The following GNS variants were observed in gnomAD, a reference collection of about 807,000 sequenced individuals.
GNS encodes the protein glucosamine (N-acetyl)-6-sulfatase.
GNS carries 40 observed loss-of-function variants against 69.7 expected under a neutral mutation model. The ratio of observed to expected loss-of-function variants is 0.57; its 90% CI spans 0.45 to 0.75. The LOEUF (loss-of-function observed/expected upper bound fraction) is 0.75, where lower values mean the gene tolerates loss of function less well. Among genes scored for constraint, GNS ranks in the 30% least tolerant of loss-of-function variants. The pLI, the probability that GNS is intolerant of heterozygous loss-of-function variation, is 0.00. For missense variants in GNS, 565 were observed against 685.5 expected (o/e 0.82, Z 1.96); for synonymous variants, 243 against 251.6 (o/e 0.97, Z 0.32).
chr12:64,738,319 T>G (rs1461061060), intron 8 of GNS, among the ~76,000 whole-genome samples: 1 of 152,226 alleles, frequency 6.6e-6, no homozygotes, highest in African/African-American at 2.4e-5. Context: ...GGTCTGCATC[T>G]TGATACATAA....
rs763582270 is a variant in GNS at position 64,740,593 on chromosome 12, C to G, written c.875+13G>C. ...TAAAACCACTCAGATTGTTATGTAGCAGCAGCTCTTACCTTTTCCTAAATG... is the reference window on the plus strand; with the variant it reads ...TAAAACCACTCAGATTGTTATGTAGGAGCAGCTCTTACCTTTTCCTAAATG... On this transcript the variant is annotated intron_variant, in intron 7 of 13. Transcript: ENST00000258145. The G allele has an allele frequency of 7.4e-7, 1 of 1,349,440 alleles. No homozygotes were observed. Among genetic ancestry groups the G allele is most frequent in the South Asian group, 1.2e-5 (1 of 85,882 alleles). The allele number at this position is 1,349,440 out of a possible 1,614,324, so 83.6% of individuals were successfully genotyped here. A position where few individuals can be genotyped will look rare whatever the true frequency, so the allele number is the denominator to read the frequency against.
intron 10 of GNS, among the ~76,000 whole-genome samples, chr12:64,728,144 C>T (rs1025975951): frequency 4.6e-5 from 7 of 152,242 alleles, no homozygotes; most frequent in African/African-American, 1.7e-4. Context: ...AGGATGGTCT[C>T]GAACCCCTGA....
chr12:64,746,287 A>G (rs1646074369), intron 3 of GNS: 1 of 160,736 alleles, frequency 6.2e-6, no homozygotes, highest in South Asian at 1.7e-4. Context: ...GAATAGTCCA[A>G]CTGACCCTAA....
intron 9 of GNS, among the ~76,000 whole-genome samples, chr12:64,735,569 A>G (rs2136243845): frequency 6.6e-6 from 1 of 152,334 alleles, no homozygotes; most frequent in South Asian, 2.1e-4. Flanking sequence ...TAACTTAAAG[A>G]AAAAAAGGAA....
intron 11 of GNS, among the ~76,000 whole-genome samples, chr12:64,722,617 G>A (rs1395551785): frequency 6.6e-6 from 1 of 152,156 alleles, no homozygotes; most frequent in Non-Finnish European, 1.5e-5. Context: ...CCTGGCTGCC[G>A]CCAATGCGAG....
chr12:64,749,248 C>CTTTT (rs759239939), intron 2 of GNS, among the ~76,000 whole-genome samples: 8 of 65,052 alleles, frequency 1.2e-4, no homozygotes, highest in Non-Finnish European at 1.6e-4. Context: ...CTTGATTTGG[C>CTTTT]TTTTTTTTTT....
chr12:64,757,669 G>A (rs1161277744), intron 1 of GNS, among the ~76,000 whole-genome samples: 2 of 152,002 alleles, frequency 1.3e-5, no homozygotes, highest in Non-Finnish European at 2.9e-5. Context: ...TTTACAACTC[G>A]GGAAGAAAGA....
intron 9 of GNS, among the ~76,000 whole-genome samples, chr12:64,733,113 AAAAC>A (rs903616284): frequency 1.2e-4 from 18 of 151,702 alleles, no homozygotes; most frequent in South Asian, 4.2e-4. Flanking sequence ...CGTCTCTACA[AAAAC>A]AAACAAACAA....
At chr12:64,740,543 T>C (rs763617909) in intron 7 of GNS, 63 bp downstream of exon 7, 5 of 885,148 alleles carry the variant, frequency 5.6e-6, no homozygotes, top group African/African-American at 4.9e-5. Context: ...TGGTCTCCTC[T>C]TCATGAGCTG....
chr12:64,754,530 G>A (rs987616490), intron 1 of GNS, among the ~76,000 whole-genome samples: 3 of 152,120 alleles, frequency 2.0e-5, no homozygotes, highest in Non-Finnish European at 4.4e-5. Context: ...GGGAGGAAAA[G>A]GGAGAGTGAG....
rs1282026539 is a variant in GNS, at chr12:64,726,896, A to C, written c.1200+2060T>G. On this transcript the variant is annotated intron_variant, in intron 10 of 13. Coordinates refer to ENST00000258145, the MANE Select transcript of GNS (RefSeq NM_002076.4). ...AAGGGAAGAAACACAAAAAGGCATA[A>C]ATGAAAAGTGATTCCCTGATCAATA... is the stretch of plus-strand genomic sequence containing the variant. Among the ~76,000 whole-genome samples the C allele has an allele frequency of 2.7e-5, 4 of 150,410 alleles. No homozygotes were observed. In the East Asian group the frequency reaches 7.9e-4, roughly 30 times the overall value.
At chr12:64,725,117 G>C (rs967117974) in intron 10 of GNS, among the ~76,000 whole-genome samples, 8 of 152,152 alleles carry the variant, frequency 5.3e-5, no homozygotes, top group Middle Eastern at 3.2e-3. Flanking sequence ...GAATCTCTAG[G>C]GGTGAGGCCC....
rs1381763964 is a variant in GNS, at chr12:64,756,720, G to A, written c.192+2365C>T. Reference sequence around the variant, plus strand: ...TGCTCTTGTCCTAGCTCTTCCCCTTGGAGTCCTGTTTGACAATTAGTGGTA... The same window carrying A: ...TGCTCTTGTCCTAGCTCTTCCCCTTAGAGTCCTGTTTGACAATTAGTGGTA... On this transcript the variant is annotated intron_variant, in intron 1 of 13. Coordinates refer to ENST00000258145, the MANE Select transcript of GNS (RefSeq NM_002076.4). The A allele has an allele frequency of 1.3e-5, 20 of 1,486,600 alleles. No individual in the cohort carries two copies. In the Admixed American group the frequency reaches 1.4e-4, roughly 10 times the overall value. 92.1% of individuals were successfully genotyped at this position (1,486,600 alleles called of 1,614,324 possible). A position where few individuals can be genotyped will look rare whatever the true frequency, so the allele number is the denominator to read the frequency against.
Position 64,743,325 on chromosome 12 carries a change from T to C in GNS, c.625-17A>G, listed in dbSNP as rs950921191. ...GACATTAGCCTGACACATAAAAAGA[T>C]TTGTCATCTCCTACCTTACCCAACA... On this transcript the variant is annotated splice_polypyrimidine_tract_variant and intron_variant, in intron 5 of 13. Transcript: ENST00000258145. The C allele has an allele frequency of 3.8e-6, 6 of 1,590,118 alleles. No homozygotes were observed. In the Admixed American group the frequency reaches 5.0e-5, roughly 13 times the overall value.
At chr12:64,722,695 C>G (rs1592492554) in intron 11 of GNS, 1 of 359,720 alleles carries the variant, frequency 2.8e-6, no homozygotes, top group South Asian at 2.3e-5. Flanking sequence ...TAACATTATC[C>G]CTAATTAAAA....
rs200846371 is a variant in GNS, at chr12:64,727,492, CA to C, written c.1200+1463del. Among the ~76,000 whole-genome samples the C allele has an allele frequency of 3.3e-5, 5 of 152,188 alleles. No homozygotes were observed. In the East Asian group the frequency reaches 9.7e-4, roughly 29 times the overall value. ...ATTCATAATAGCCAAAAAGTGGAAA[CA>C]GCCCAAATATCTGATGAATGGATAA... On this transcript the variant is annotated intron_variant, in intron 10 of 13. Coordinates refer to ENST00000258145, the MANE Select transcript of GNS (RefSeq NM_002076.4).
rs755507786 is a variant in GNS at position 64,724,809 on chromosome 12, C to T, written c.1201-1696G>A. Among the ~76,000 whole-genome samples, 4 of 152,070 alleles carry T rather than the reference C, an allele frequency of 2.6e-5. 1 individual carries two copies. Among genetic ancestry groups the T allele is most frequent in the Admixed American group, 2.0e-4 (3 of 15,272 alleles). On this transcript the variant is annotated intron_variant, in intron 10 of 13. Transcript: ENST00000258145. ...CCGGACGGCAGAGGTTGTGGTGAGC[C>T]GAGATTGCACCACTGCACCCCAGCC...
intron 10 of GNS, among the ~76,000 whole-genome samples, chr12:64,724,595 C>T (rs879582995): frequency 2.6e-5 from 4 of 152,292 alleles, no homozygotes; most frequent in East Asian, 1.9e-4. Flanking sequence ...CGGTGGCTCA[C>T]GCCTGTAATC....
intron 3 of GNS, among the ~76,000 whole-genome samples, chr12:64,747,476 G>T (rs1869929910): frequency 6.6e-6 from 1 of 152,098 alleles, no homozygotes; most frequent in Non-Finnish European, 1.5e-5. Flanking sequence ...CTGAAAGGAA[G>T]AACAAGTGCC....
Sources: gnomAD v4.1 joint callset for allele counts (sites outside exome capture counted in the v4.1 genomes callset) on GRCh38, gnomAD v4.1.1 for gene constraint, MANE v1.5 for transcripts, NCBI Gene and HGNC (gene_info 2026-07-23, HGNC 2026-07-21) for gene names.